The following RXFP2 variants were observed in gnomAD, a reference collection of about 807,000 sequenced individuals.
RXFP2 encodes the protein relaxin family peptide receptor 2.
A neutral mutation model predicts 88.6 loss-of-function variants in RXFP2; 68 were observed. That is an observed-to-expected ratio of 0.77 (90% CI 0.63 to 0.94). The LOEUF is 0.94. Ranked by LOEUF, RXFP2 falls within the 40% of genes least tolerant of loss-of-function variation. The pLI is 0.00. For synonymous variants in RXFP2, 329 were observed against 306.8 expected (o/e 1.07, Z -0.76); for missense variants, 791 against 893.9 (o/e 0.88, Z 1.47).
At chr13:31,776,145 TTTC>T in intron 7 of RXFP2, among the ~76,000 whole-genome samples, 1 of 150,120 alleles carries the variant, frequency 6.7e-6, no homozygotes, top group African/African-American at 2.4e-5. Flanking sequence ...TTTCTTTCTC[TTTC>T]TCTCTCTCTC....
intron 13 of RXFP2, among the ~76,000 whole-genome samples, chr13:31,787,236 C>A (rs1322084814): frequency 6.6e-6 from 1 of 152,210 alleles, no homozygotes; most frequent in Non-Finnish European, 1.5e-5. Context: ...ACACAGACAG[C>A]AGACTACGCT....
At chr13:31,775,480 C>A in intron 7 of RXFP2, 91 bp downstream of exon 7, 3 of 965,914 alleles carry the variant, frequency 3.1e-6, no homozygotes, top group South Asian at 2.6e-5. Context: ...TTTGACATAT[C>A]TTATTTTTAT....
At chr13:31,760,797 T>C (rs1872270518) in intron 2 of RXFP2, among the ~76,000 whole-genome samples, 1 of 152,232 alleles carries the variant, frequency 6.6e-6, no homozygotes, top group Non-Finnish European at 1.5e-5. Context: ...TTTTATAACA[T>C]ATAGTGAAAT....
chr13:31,757,428 G>A (rs1872009332), intron 1 of RXFP2, among the ~76,000 whole-genome samples: 1 of 152,218 alleles, frequency 6.6e-6, no homozygotes, highest in Non-Finnish European at 1.5e-5. Context: ...TGTGTGAAGT[G>A]TCTGGCAAAC....
chr13:31,775,294 T>A (rs1385387370), intron 6 of RXFP2, 24 bp from the exon 7 acceptor site: 2 of 1,582,878 alleles, frequency 1.3e-6, no homozygotes, highest in South Asian at 1.1e-5. Flanking sequence ...GTTTGCCTAA[T>A]TAACTCACCC....
At chr13:31,768,377 A>G (rs935864947) in intron 5 of RXFP2, among the ~76,000 whole-genome samples, 4 of 152,216 alleles carry the variant, frequency 2.6e-5, no homozygotes, top group Non-Finnish European at 4.4e-5. Context: ...AATTGCTTAC[A>G]GTCATCTACC....
At chr13:31,758,750 T>G (rs958852083) in intron 2 of RXFP2, among the ~76,000 whole-genome samples, 1 of 152,114 alleles carries the variant, frequency 6.6e-6, no homozygotes, top group Non-Finnish European at 1.5e-5. Flanking sequence ...AGAATATTCG[T>G]AAAGTGGCTG....
intron 17 of RXFP2, among the ~76,000 whole-genome samples, chr13:31,800,962 G>T (rs1874307343): frequency 6.6e-6 from 1 of 152,010 alleles, no homozygotes; most frequent in African/African-American, 2.4e-5. Context: ...AGGATAGGAA[G>T]AGAGGAAGGT....
chr13:31,740,266 T>G (rs1473658344), intron 1 of RXFP2, among the ~76,000 whole-genome samples: 2 of 152,056 alleles, frequency 1.3e-5, no homozygotes, highest in African/African-American at 4.8e-5. Context: ...TTGTGGAAAT[T>G]TTTATTTCAG....
At chr13:31,749,655 G>C (rs1354809872) in intron 1 of RXFP2, among the ~76,000 whole-genome samples, 3 of 152,086 alleles carry the variant, frequency 2.0e-5, no homozygotes, top group Non-Finnish European at 4.4e-5. Flanking sequence ...ACATGACCCT[G>C]TTCATGCTGT....
At chr13:31,781,892 T>G in intron 10 of RXFP2, 150 bp downstream of exon 10, 2 of 649,016 alleles carry the variant, frequency 3.1e-6, no homozygotes, top group Middle Eastern at 3.9e-4. Flanking sequence ...ACTGATTTAT[T>G]GATTTGGATG....
intron 2 of RXFP2, among the ~76,000 whole-genome samples, chr13:31,761,157 T>C (rs1872283812): frequency 6.6e-6 from 1 of 152,094 alleles, no homozygotes; most frequent in African/African-American, 2.4e-5. Context: ...TCTCCCTATG[T>C]TTCCCAAGCT....
chr13:31,795,721 A>C (rs1025401741), intron 16 of RXFP2, among the ~76,000 whole-genome samples: 2 of 151,822 alleles, frequency 1.3e-5, no homozygotes, highest in Admixed American at 6.6e-5. Flanking sequence ...GTTCAGATTC[A>C]TATTTTTTAA....
intron 1 of RXFP2, among the ~76,000 whole-genome samples, chr13:31,745,795 C>T (rs965801036): frequency 6.6e-6 from 1 of 152,154 alleles, no homozygotes; most frequent in Non-Finnish European, 1.5e-5. Context: ...AATGGATGAC[C>T]TTGATCCAGA....
intron 5 of RXFP2, among the ~76,000 whole-genome samples, chr13:31,768,035 A>G (rs953835176): frequency 4.6e-5 from 7 of 152,212 alleles, no homozygotes; most frequent in African/African-American, 1.7e-4. Flanking sequence ...AGGCCCTGCT[A>G]GCCCACTGAA....
intron 9 of RXFP2, 99 bp from the exon 10 acceptor site, chr13:31,781,572 A>G: frequency 1.2e-6 from 1 of 824,526 alleles, no homozygotes; most frequent in Non-Finnish European, 2.0e-6. Context: ...AACAACTGGA[A>G]TGAAGTAAAA....
At chr13:31,767,862 A>G (rs1241001564) in intron 5 of RXFP2, among the ~76,000 whole-genome samples, 2 of 151,694 alleles carry the variant, frequency 1.3e-5, no homozygotes, top group Admixed American at 1.3e-4. Context: ...ATTCCCTTGT[A>G]TATGTTTTGC....
At chr13:31,761,698 G>C in intron 2 of RXFP2, 26 bp from the exon 3 acceptor site, 1 of 1,508,224 alleles carries the variant, frequency 6.6e-7, no homozygotes, top group Non-Finnish European at 9.2e-7. Context: ...TAGAATAAGT[G>C]ACACATCTCA....
chr13:31,767,487 G>A (rs544029356), intron 5 of RXFP2, among the ~76,000 whole-genome samples: 2 of 152,212 alleles, frequency 1.3e-5, no homozygotes, highest in East Asian at 3.9e-4. Context: ...TATTGTCTTT[G>A]TACTGCCTGA....
Sources: gnomAD v4.1 joint callset for allele counts (sites outside exome capture counted in the v4.1 genomes callset) on GRCh38, gnomAD v4.1.1 for gene constraint, MANE v1.5 for transcripts, NCBI Gene and HGNC (gene_info 2026-07-23, HGNC 2026-07-21) for gene names.